CHD8: variants seen among roughly 807,000 people sequenced by gnomAD.
CHD8 encodes chromodomain helicase DNA binding protein 8.
A neutral mutation model predicts 279.2 loss-of-function variants in CHD8; 31 were observed. That is an observed-to-expected ratio of 0.11 (90% CI 0.08 to 0.15). The LOEUF (loss-of-function observed/expected upper bound fraction) is 0.15, where lower values mean the gene tolerates loss of function less well. CHD8 is among the 10% of genes least tolerant of loss of function. The pLI is 1.00. For missense variants in CHD8, 2,146 were observed against 3,230.5 expected, an observed-to-expected ratio of 0.66 and a Z score of 8.14; for synonymous variants, 1,081 against 1,139.6, an observed-to-expected ratio of 0.95 and a Z score of 1.04.
intron 1 of CHD8, among the ~76,000 whole-genome samples, chr14:21,441,623 T>G (rs531411420): frequency 1.3e-5 from 2 of 151,868 alleles, no homozygotes; most frequent in Non-Finnish European, 2.9e-5. Context: ...GCGTGGTGGC[T>G]CATGCCTGTA....
intron 1 of CHD8, among the ~76,000 whole-genome samples, chr14:21,453,415 A>T (rs1438459871): frequency 6.6e-6 from 1 of 151,964 alleles, no homozygotes; most frequent in African/African-American, 2.4e-5. Context: ...AAGATCACCA[A>T]CTTGGTGAGA....
At chr14:21,440,106 A>G (rs1889918618) in intron 1 of CHD8, among the ~76,000 whole-genome samples, 1 of 152,250 alleles carries the variant, frequency 6.6e-6, no homozygotes, top group East Asian at 1.9e-4. Context: ...GTATGACAAC[A>G]GTGACAAATA....
At chr14:21,417,882 A>ATAATATAT (rs1433796563) in intron 5 of CHD8, among the ~76,000 whole-genome samples, 2 of 138,868 alleles carry the variant, frequency 1.4e-5, no homozygotes, top group African/African-American at 5.3e-5. Flanking sequence ...ATATATATAT[A>ATAATATAT]ATATATATAT....
Position 21,401,533 on chromosome 14 carries a change from G to A in CHD8, c.4063-20C>T. On this transcript the variant is annotated intron_variant, in intron 20 of 37. Transcript: ENST00000646647. ...GCTTGCCTAGAGAAAAACAAATGCA[G>A]AGGTAAAGCTGACTTTTTTTTTTAA... 1.4e-6 allele frequency: 2 copies of A among 1,409,500 alleles called. No homozygotes were observed. Among genetic ancestry groups the A allele is most frequent in the Non-Finnish European group, 1.9e-6 (2 of 1,060,090 alleles). The allele number at this position is 1,409,500 out of a possible 1,614,324, so 87.3% of individuals were successfully genotyped here.
Position 21,402,306 on chromosome 14 carries a change from CAAACTTATCTAT to C in CHD8, c.3882+18_3882+29del. On this transcript the variant is annotated intron_variant, in intron 19 of 37. Coordinates refer to ENST00000646647, the MANE Select transcript of CHD8 (RefSeq NM_001170629.2). The surrounding 1 kb of genome is among the most constrained non-coding windows in gnomAD (Gnocchi z 4.5). ...TTCCCTCTATCACAATGATCTACTACAAACTTATCTATAAACTAAGAGGACTCACTCCAGTAA... is the reference window on the plus strand; with the variant it reads ...TTCCCTCTATCACAATGATCTACTACAAACTAAGAGGACTCACTCCAGTAA... 6.2e-7 allele frequency: 1 copy of C among 1,612,264 alleles called. No homozygotes were observed. Among genetic ancestry groups the C allele is most frequent in the African/African-American group, 1.3e-5 (1 of 75,014 alleles).
At chr14:21,390,560 A>G (rs1887480789) in intron 37 of CHD8, among the ~76,000 whole-genome samples, 1 of 152,168 alleles carries the variant, frequency 6.6e-6, no homozygotes, top group African/African-American at 2.4e-5. Flanking sequence ...CGGGTGGATC[A>G]CGAGGTCAGG....
At chr14:21,388,624 T>G (rs1019685140) in intron 37 of CHD8, among the ~76,000 whole-genome samples, 31 of 152,142 alleles carry the variant, frequency 2.0e-4, no homozygotes, top group Non-Finnish European at 5.9e-5. Flanking sequence ...TCCACATAGC[T>G]GATACTAGAG....
chr14:21,405,668 CA>C lies in CHD8; in HGVS notation c.3051+52del. The C allele has an allele frequency of 6.3e-7, 1 of 1,599,114 alleles. No individual in the cohort carries two copies. The highest frequency in any genetic ancestry group is 1.1e-5 in the South Asian group (1 of 89,524). Reference sequence around the variant, plus strand: ...CATGACAACAGATGTCTGCCTTGTACAAACTTCACCTTCTTTGTCCTGAGTT... The same window carrying C: ...CATGACAACAGATGTCTGCCTTGTACAACTTCACCTTCTTTGTCCTGAGTT... On this transcript the variant is annotated intron_variant, in intron 15 of 37. Coordinates refer to ENST00000646647, the MANE Select transcript of CHD8 (RefSeq NM_001170629.2). This position sits in a 1 kb window ranked among gnomAD's most constrained non-coding sequence, Gnocchi z 4.2.
intron 30 of CHD8, 45 bp downstream of exon 30, chr14:21,394,867 A>G (rs1293605607): frequency 6.3e-7 from 1 of 1,580,130 alleles, no homozygotes; most frequent in Admixed American, 1.7e-5. Context: ...TATAGGGACC[A>G]TAACTGAAAA....
At chr14:21,445,036 T>G (rs964810064) in intron 1 of CHD8, among the ~76,000 whole-genome samples, 1 of 152,130 alleles carries the variant, frequency 6.6e-6, no homozygotes, top group African/African-American at 2.4e-5. Context: ...GCATCTCCTA[T>G]CTGGATAGTC....
intron 1 of CHD8, among the ~76,000 whole-genome samples, chr14:21,449,791 G>T (rs772470474): frequency 2.6e-5 from 4 of 152,096 alleles, no homozygotes; most frequent in African/African-American, 4.8e-5. Context: ...ACTGTCCCTT[G>T]GTAGTTCACA....
intron 1 of CHD8, among the ~76,000 whole-genome samples, chr14:21,436,436 A>T (rs983007801): frequency 6.6e-6 from 1 of 152,266 alleles, no homozygotes; most frequent in African/African-American, 2.4e-5. Flanking sequence ...AGGGTCTCAA[A>T]TCTTATACAG....
intron 20 of CHD8, 51 bp downstream of exon 20, chr14:21,401,906 A>C: frequency 1.3e-4 from 188 of 1,483,240 alleles, no homozygotes; most frequent in Non-Finnish European, 1.6e-4. Flanking sequence ...ATTAAATCCT[A>C]GAGATTCCGG....
intron 5 of CHD8, among the ~76,000 whole-genome samples, chr14:21,421,376 A>T (rs1468524523): frequency 6.6e-6 from 1 of 151,346 alleles, no homozygotes. Flanking sequence ...TTTAACTGCC[A>T]TCTAGTATTC....
rs780336735 is a variant in CHD8 at position 21,394,440 on chromosome 14, C to T, written c.5436G>A (p.Thr1812=). Residue 1812 remains threonine, a synonymous_variant, in exon 31 of 38, where the codon ACG becomes ACA. Coordinates refer to ENST00000646647, the MANE Select transcript of CHD8 (RefSeq NM_001170629.2). ...EQTDFYRVVS[T]FGVEYDPDTM... ...TGTCAGGGTCATATTCCACACCAAA[C>T]GTAGACACCACTCGATAAAAATCAG... is the stretch of plus-strand genomic sequence containing the variant. 3.7e-6 allele frequency: 6 copies of T among 1,612,478 alleles called. No homozygotes were observed. Among genetic ancestry groups the T allele is most frequent in the African/African-American group, 2.7e-5 (2 of 74,974 alleles).
chr14:21,386,157 A>G lies in CHD8; in HGVS notation c.7202T>C (p.Val2401Ala), dbSNP rs1486426525. 3 of 1,552,008 alleles carry G rather than the reference A, an allele frequency of 1.9e-6. No homozygotes were observed. The highest frequency in any genetic ancestry group is 2.6e-6 in the Non-Finnish European group (3 of 1,147,150). The change falls in exon 38 of 38, where the codon GTG becomes GCG. Residue 2401 changes from valine to alanine, a missense_variant. Physicochemically the swap from Val to Ala is moderately conservative, Grantham distance 64 (BLOSUM62 0). This residue lies in a region of CHD8 where 336 missense variants were observed against 392.9 expected (regional missense o/e 0.86). Coordinates refer to ENST00000646647, the MANE Select transcript of CHD8 (RefSeq NM_001170629.2). Reference sequence around the variant, plus strand: ...AGGCCCTGGCAAAACCCGGTTGAACACCGTTTCAGTGTGATGACCCTAGGA... The same window carrying G: ...AGGCCCTGGCAAAACCCGGTTGAACGCCGTTTCAGTGTGATGACCCTAGGA... ...NGKKGHHTET[V>A]FNRVLPGPIA...
At chr14:21,455,588 A>G (rs893980223) in intron 1 of CHD8, among the ~76,000 whole-genome samples, 4 of 152,078 alleles carry the variant, frequency 2.6e-5, no homozygotes, top group African/African-American at 9.7e-5. Flanking sequence ...ACCCACCTTT[A>G]TTATTAAAAT....
rs1211691493 is a variant in CHD8 at position 21,448,643 on chromosome 14, G to A, written c.-216+7389C>T. On this transcript the variant is annotated intron_variant, in intron 1 of 37. Transcript: ENST00000646647. ...TCAATCTCAGCTCACTGAAAGCTCC[G>A]CCTCCCAGATTCAAGCGATTCTCCT... 2.0e-5 allele frequency among the ~76,000 whole-genome samples: 3 copies of A among 151,940 alleles called. No individual in the cohort carries two copies. The East Asian group carries it at 5.9e-4, about 30-fold the overall frequency.
Position 21,408,637 on chromosome 14 carries a change from C to T in CHD8, c.2486+67G>A. On this transcript the variant is annotated intron_variant, in intron 12 of 37. Transcript: ENST00000646647. The surrounding 1 kb of genome is among the most constrained non-coding windows in gnomAD (Gnocchi z 4.3). ...TAGAGTATGTAGGAAGAAATTGTTT[C>T]AATAGAAAACAAATAAAAATAATCC... 6.4e-7 allele frequency: 1 copy of T among 1,566,016 alleles called. No homozygotes were observed. The highest frequency in any genetic ancestry group is 8.6e-7 in the Non-Finnish European group (1 of 1,156,858).
Sources: gnomAD v4.1 joint callset for allele counts (sites outside exome capture counted in the v4.1 genomes callset) on GRCh38, gnomAD v4.1.1 for gene constraint, gnomAD v4.1.1 regional missense constraint, Gnocchi (gnomAD v3.1) non-coding constraint, MANE v1.5 for transcripts, NCBI Gene and HGNC (gene_info 2026-07-23, HGNC 2026-07-21) for gene names.